Variants in COL4A2 observed in about 807,000 individuals in gnomAD.
The protein encoded by COL4A2 is collagen alpha-2(IV) chain.
In COL4A2, 99 loss-of-function variants were observed where a neutral mutation model predicts 200.2. The ratio of observed to expected loss-of-function variants is 0.49; its 90% CI spans 0.42 to 0.58. The LOEUF is 0.58. Ranked by LOEUF, COL4A2 falls within the 20% of genes least tolerant of loss-of-function variation. COL4A2 has a pLI of 0.00. For missense variants in COL4A2, 1,950 were observed against 2,314.1 expected (o/e 0.84, Z 3.23); for synonymous variants, 897 against 900.6 (o/e 1.00, Z 0.07).
rs1264842202 is a variant in COL4A2 at position 110,385,931 on chromosome 13, T to C, written c.180+28379T>C. 5.4e-4 allele frequency among the ~76,000 whole-genome samples: 46 copies of C among 85,632 alleles called. 11 individuals carry two copies. The highest frequency in any genetic ancestry group is 7.5e-4 in the Non-Finnish European group (30 of 40,006). The allele number at this position is 85,632 out of a possible 152,430, so 56.2% of individuals were successfully genotyped here. A position where few individuals can be genotyped will look rare whatever the true frequency, so the allele number is the denominator to read the frequency against. On this transcript the variant is annotated intron_variant, in intron 4 of 47. Transcript: ENST00000360467. ...TTACAGCGTGTGGATGGGCCGTGGT[T>C]ACAGCGTGTGGATGGGCCGTGGTCA... is the stretch of plus-strand genomic sequence containing the variant.
In COL4A2 at chr13:110,424,784, A is replaced by G; in HGVS notation, c.231A>G (p.Leu77=). 6.2e-7 allele frequency: 1 copy of G among 1,612,364 alleles called. No homozygotes were observed. Among genetic ancestry groups the G allele is most frequent in the African/African-American group, 1.3e-5 (1 of 75,024 alleles). The change falls in exon 5 of 48, where the codon TTA becomes TTG. Residue 77 remains leucine, a synonymous_variant. Coordinates refer to ENST00000360467, the MANE Select transcript of COL4A2 (RefSeq NM_001846.4). ...GPQGYNGPPG[L]QGFPGLQGRK... Reference sequence around the variant, plus strand: ...AGGGGTACAATGGGCCACCAGGATTACAAGGATTCCCGGGACTGCAGGGAC... The same window carrying G: ...AGGGGTACAATGGGCCACCAGGATTGCAAGGATTCCCGGGACTGCAGGGAC...
intron 4 of COL4A2, among the ~76,000 whole-genome samples, chr13:110,399,559 G>A (rs1566512380): frequency 6.6e-6 from 1 of 152,176 alleles, no homozygotes; most frequent in Non-Finnish European, 1.5e-5. Flanking sequence ...AAATAAATGT[G>A]TGGAACTGAG....
At position 110,445,837 on chromosome 13, in the gene COL4A2, A is replaced by T; in HGVS notation, c.966A>T (p.Arg322=). The change falls in exon 17 of 48, where the codon CGA becomes CGT. Residue 322 remains arginine, a synonymous_variant. Transcript: ENST00000360467. ...EKGSPGQKGS[R]GLDGYQGPDG... is the part of the protein sequence containing the mutation. ...AAATATCTTTCTTGCAGGGAAGCCGAGGCCTGGATGGCTATCAAGGGCCTG... is the reference window on the plus strand; with the variant it reads ...AAATATCTTTCTTGCAGGGAAGCCGTGGCCTGGATGGCTATCAAGGGCCTG... The T allele has an allele frequency of 4.3e-6, 7 of 1,614,198 alleles. No homozygotes were observed. The South Asian group carries it at 6.6e-5, about 15-fold the overall frequency.
intron 3 of COL4A2, among the ~76,000 whole-genome samples, chr13:110,342,692 G>A (rs982814284): frequency 2.6e-4 from 39 of 152,182 alleles, no homozygotes; most frequent in African/African-American, 8.4e-4. Context: ...TCACAAGACC[G>A]CCCCCACGAA....
chr13:110,430,440 A>T lies in COL4A2; in HGVS notation c.585+4A>T, dbSNP rs768958595. ...GCCTGGATTGGTCGGTTTCCAGGTA[A>T]GTTTATTTTTATTGGACGATATTCC... On this transcript the variant is annotated splice_donor_region_variant and intron_variant, in intron 9 of 47. Transcript: ENST00000360467. The T allele has an allele frequency of 1.2e-6, 2 of 1,614,138 alleles. No individual in the cohort carries two copies. Among genetic ancestry groups the T allele is most frequent in the Non-Finnish European group, 1.7e-6 (2 of 1,180,022 alleles).
Position 110,482,667 on chromosome 13 carries a change from C to T in COL4A2, c.2902+8C>T. 1 of 1,612,828 alleles carries T rather than the reference C, an allele frequency of 6.2e-7. No homozygotes were observed. Among genetic ancestry groups the T allele is most frequent in the Non-Finnish European group, 8.5e-7 (1 of 1,179,078 alleles). The stretch of plus-strand genomic sequence containing the variant: ...GTGAGCCAGGTTTTAAAGGTATGTC[C>T]CTCTCTTAACATCCTCCTTACCTGG... On this transcript the variant is annotated splice_region_variant and intron_variant, in intron 32 of 47. Transcript: ENST00000360467.
rs141487949 is a variant in COL4A2, at chr13:110,315,696, A to G, written c.99+7573A>G. Reference sequence around the variant, plus strand: ...CAGGCATGAGCCACCACGCCCTGCCATCATCCACTTTTTCTCCCAGTAACA... The same window carrying G: ...CAGGCATGAGCCACCACGCCCTGCCGTCATCCACTTTTTCTCCCAGTAACA... On this transcript the variant is annotated intron_variant, in intron 3 of 47. Coordinates refer to ENST00000360467, the MANE Select transcript of COL4A2 (RefSeq NM_001846.4). Among the ~76,000 whole-genome samples, 850 of 152,336 alleles carry G rather than the reference A, an allele frequency of 5.6e-3. 32 individuals are homozygous for G. The highest frequency in any genetic ancestry group is 0.05 in the Admixed American group (769 of 15,296).
intron 22 of COL4A2, among the ~76,000 whole-genome samples, chr13:110,460,428 C>CTAGTATTCA (rs1238699130): frequency 1.3e-5 from 2 of 152,208 alleles, no homozygotes; most frequent in African/African-American, 4.8e-5. Flanking sequence ...AAAAGTGGCT[C>CTAGTATTCA]TAGTATTCAG....
intron 3 of COL4A2, among the ~76,000 whole-genome samples, chr13:110,343,422 A>G (rs574359294): frequency 3.3e-5 from 5 of 152,278 alleles, no homozygotes; most frequent in African/African-American, 1.2e-4. Context: ...GGCATCCTCG[A>G]TCCCTGCTGA....
intron 3 of COL4A2, among the ~76,000 whole-genome samples, chr13:110,324,382 T>C (rs1401527169): frequency 6.6e-6 from 1 of 152,230 alleles, no homozygotes; most frequent in Non-Finnish European, 1.5e-5. Context: ...ACACCTGTCC[T>C]GCTGGGCTCT....
chr13:110,388,374 G>A (rs1566507078), intron 4 of COL4A2, among the ~76,000 whole-genome samples: 1 of 152,134 alleles, frequency 6.6e-6, no homozygotes, highest in Non-Finnish European at 1.5e-5. Context: ...ACTTGAAAAG[G>A]GAAGGTTTCT....
At chr13:110,389,083 G>A (rs148314422) in intron 4 of COL4A2, among the ~76,000 whole-genome samples, 84 of 152,264 alleles carry the variant, frequency 5.5e-4, no homozygotes, top group African/African-American at 2.0e-3. Flanking sequence ...CTTTGGTTGG[G>A]TTTATAAAGG....
At chr13:110,480,149 G>A (rs536719620) in intron 30 of COL4A2, 71 bp from the exon 31 acceptor site, 126 of 1,458,660 alleles carry the variant, frequency 8.6e-5, no homozygotes, top group Middle Eastern at 5.0e-4. Context: ...ACTCAATGCC[G>A]TAAAAGCAGA....
At chr13:110,403,336 A>G (rs907936801) in intron 4 of COL4A2, among the ~76,000 whole-genome samples, 6 of 152,234 alleles carry the variant, frequency 3.9e-5, no homozygotes, top group African/African-American at 1.4e-4. Context: ...AAGAAAAGTC[A>G]TGCCACACCT....
Position 110,512,194 on chromosome 13 carries a change from C to A in COL4A2, c.*3C>A. The A allele has an allele frequency of 6.2e-7, 1 of 1,609,182 alleles. No individual in the cohort carries two copies. The highest frequency in any genetic ancestry group is 8.5e-7 in the Non-Finnish European group (1 of 1,177,672). On this transcript the variant is annotated 3_prime_UTR_variant, in exon 48 of 48. Transcript: ENST00000360467. ...AGGTGTGCATGAAGAACCTGTGAGCCGGCGCGTGCCAGGAAGGGCCATTTT... is the reference window on the plus strand; with the variant it reads ...AGGTGTGCATGAAGAACCTGTGAGCAGGCGCGTGCCAGGAAGGGCCATTTT...
At chr13:110,447,607 A>G (rs934021425) in intron 18 of COL4A2, among the ~76,000 whole-genome samples, 1 of 152,158 alleles carries the variant, frequency 6.6e-6, no homozygotes, top group Non-Finnish European at 1.5e-5. Context: ...AATCGTGCGT[A>G]TATATCTTTG....
chr13:110,385,849 A>G lies in COL4A2; in HGVS notation c.180+28297A>G, dbSNP rs199571955. On this transcript the variant is annotated intron_variant, in intron 4 of 47. Transcript: ENST00000360467. ...TAGGCCGTGGTTACAGTGTGTGGAT[A>G]GGCCGTGGTTGCAGCGTGTGGATGG... Among the ~76,000 whole-genome samples the G allele has an allele frequency of 1.0e-3, 44 of 42,244 alleles. 2 individuals are homozygous for G. The highest frequency in any genetic ancestry group is 1.8e-3 in the Admixed American group (6 of 3,394). 27.7% of individuals were successfully genotyped at this position (42,244 alleles called of 152,430 possible). A position where few individuals can be genotyped will look rare whatever the true frequency, so the allele number is the denominator to read the frequency against.
At chr13:110,435,365 C>T (rs1160888558) in intron 12 of COL4A2, among the ~76,000 whole-genome samples, 5 of 151,914 alleles carry the variant, frequency 3.3e-5, no homozygotes, top group Admixed American at 6.6e-5. Flanking sequence ...AGAATAGTCC[C>T]GTTAGATATA....
In COL4A2 at chr13:110,362,993, A is replaced by G. The variant is rs932239759; in HGVS notation, c.180+5441A>G. ...TGTTTCAAATTTTTTAATGACATCA[A>G]CCTTCACAGGGCACCTCCTATGTCC... is the stretch of plus-strand genomic sequence containing the variant. On this transcript the variant is annotated intron_variant, in intron 4 of 47. Coordinates refer to ENST00000360467, the MANE Select transcript of COL4A2 (RefSeq NM_001846.4). Among the ~76,000 whole-genome samples the G allele has an allele frequency of 3.3e-5, 5 of 152,332 alleles. No homozygotes were observed. The South Asian group carries it at 8.3e-4, about 25-fold the overall frequency.
Sources: gnomAD v4.1 joint callset for allele counts (sites outside exome capture counted in the v4.1 genomes callset) on GRCh38, gnomAD v4.1.1 for gene constraint, MANE v1.5 for transcripts, NCBI Gene and HGNC (gene_info 2026-07-23, HGNC 2026-07-21) for gene names.